Variants in MYBPHL observed in about 807,000 individuals in gnomAD.
The protein encoded by MYBPHL is myosin-binding protein H-like.
Under a neutral mutation model 39.5 loss-of-function variants are expected in MYBPHL, and 32 were observed. The observed-to-expected ratio is 0.81, with a 90% CI of 0.61 to 1.09. MYBPHL has a LOEUF of 1.09. Among genes scored for constraint, MYBPHL ranks in the 50% least tolerant of loss-of-function variants. The probability of loss-of-function intolerance (pLI) is 0.00; values close to 1 mark genes in which losing one functional copy is unlikely to be tolerated. For missense variants in MYBPHL, 456 were observed against 460.2 expected, an observed-to-expected ratio of 0.99 and a Z score of 0.08; for synonymous variants, 196 against 183.7, an observed-to-expected ratio of 1.07 and a Z score of -0.54.
chr1:109,292,396 TCCAAA>T lies in MYBPHL; in HGVS notation c.*221_*225del, dbSNP rs1657898176. On this transcript the variant is annotated 3_prime_UTR_variant, in exon 9 of 9. Coordinates refer to ENST00000357155, the MANE Select transcript of MYBPHL (RefSeq NM_001010985.3). The stretch of plus-strand genomic sequence containing the variant: ...GGAACCACATATTTATTTAGATGAA[TCCAAA>T]CCAGACATGGTGCCGAAGCTCCTTG... The T allele has an allele frequency of 6.6e-6, 1 of 152,132 alleles. No homozygotes were observed. Among genetic ancestry groups the T allele is most frequent in the South Asian group, 2.1e-4 (1 of 4,834 alleles). 9.4% of individuals were successfully genotyped at this position (152,132 alleles called of 1,614,324 possible).
chr1:109,300,812 A>G (rs756940296), intron 1 of MYBPHL, among the ~76,000 whole-genome samples: 1 of 152,036 alleles, frequency 6.6e-6, no homozygotes, highest in East Asian at 1.9e-4. Context: ...CCCTCCCTGG[A>G]CGGCTCCATT....
At chr1:109,297,764 G>A (rs531814925) in intron 2 of MYBPHL, 147 bp from the exon 3 acceptor site, 54 of 676,886 alleles carry the variant, frequency 8.0e-5, no homozygotes, top group Admixed American at 4.0e-4. Flanking sequence ...GGACCCTCCC[G>A]GGGGCCTCCT....
chr1:109,296,143 TTA>T, intron 6 of MYBPHL, 89 bp downstream of exon 6: 1 of 1,470,530 alleles, frequency 6.8e-7, no homozygotes, highest in South Asian at 1.3e-5. Flanking sequence ...GTAACAGATG[TTA>T]TGTTACAGTG....
chr1:109,306,004 G>C (rs1658451915), intron 1 of MYBPHL, among the ~76,000 whole-genome samples: 2 of 152,246 alleles, frequency 1.3e-5, no homozygotes, highest in Admixed American at 1.3e-4. Flanking sequence ...TCACAGGGCT[G>C]TTAGAGGCGG....
chr1:109,306,716 C>A, intron 1 of MYBPHL, 131 bp downstream of exon 1: 1 of 740,220 alleles, frequency 1.4e-6, no homozygotes, highest in Non-Finnish European at 2.0e-6. Flanking sequence ...CGAATGATCT[C>A]CAGCCTAATC....
chr1:109,306,671 T>C (rs889182534), intron 1 of MYBPHL, among the ~76,000 whole-genome samples, 176 bp downstream of exon 1: 1 of 152,230 alleles, frequency 6.6e-6, no homozygotes, highest in African/African-American at 2.4e-5. Flanking sequence ...AGCAGCAAGT[T>C]AGACTCCATC....
intron 1 of MYBPHL, among the ~76,000 whole-genome samples, 190 bp from the exon 2 acceptor site, chr1:109,298,447 C>T (rs1049344229): frequency 5.9e-5 from 9 of 152,062 alleles, no homozygotes; most frequent in East Asian, 1.9e-4. Context: ...AGGAACACCC[C>T]GGGAAACATT....
chr1:109,297,890 A>T (rs1433515074), intron 2 of MYBPHL, among the ~76,000 whole-genome samples: 1 of 152,216 alleles, frequency 6.6e-6, no homozygotes, highest in African/African-American at 2.4e-5. Context: ...ATAGCCACTC[A>T]AACTCCCAAG....
intron 4 of MYBPHL, 26 bp downstream of exon 4, chr1:109,297,024 C>T (rs760905132): frequency 1.9e-6 from 3 of 1,614,046 alleles, no homozygotes; most frequent in Non-Finnish European, 2.5e-6. Context: ...CCTCTTCCAC[C>T]CTCCTTCCTT....
chr1:109,296,767 C>T lies in MYBPHL; in HGVS notation c.730+16G>A. The stretch of plus-strand genomic sequence containing the variant: ...CCTTAAGTCTTCCCAGCTCATGATC[C>T]CCATGCCTCCCTTACCTGCTTTCTG... On this transcript the variant is annotated intron_variant, in intron 5 of 8. Coordinates refer to ENST00000357155, the MANE Select transcript of MYBPHL (RefSeq NM_001010985.3). 6.8e-6 allele frequency: 11 copies of T among 1,614,026 alleles called. No homozygotes were observed. Among genetic ancestry groups the T allele is most frequent in the Non-Finnish European group, 9.3e-6 (11 of 1,179,946 alleles).
At chr1:109,296,999 C>G (rs369308634) in intron 4 of MYBPHL, 51 bp downstream of exon 4, 1 of 1,613,926 alleles carries the variant, frequency 6.2e-7, no homozygotes, top group Admixed American at 1.7e-5. Flanking sequence ...CTACCAGAGG[C>G]CTGTCCCAAC....
chr1:109,302,159 AGTGT>A (rs1411094983), intron 1 of MYBPHL, among the ~76,000 whole-genome samples: 1 of 151,628 alleles, frequency 6.6e-6, no homozygotes, highest in Non-Finnish European at 1.5e-5. Context: ...TGTGTATGAG[AGTGT>A]GTGTGTGAGA....
Position 109,297,567 on chromosome 1 carries a change from G to A in MYBPHL, c.285C>T (p.Asp95=). The change falls in exon 3 of 9, where the codon GAC becomes GAT. Residue 95 remains aspartate (D), a synonymous_variant. Transcript: ENST00000357155. ...CATTCCGCACACTCACACGCCTGGT[G>A]TCCAAGGCACAGCCATCATGTGTCC... The part of the protein sequence containing the change: ...AIWTHDGCAL[D]TRRVSVRNGE... 1 of 1,613,936 alleles carries A rather than the reference G, an allele frequency of 6.2e-7. No individual in the cohort carries two copies. The highest frequency in any genetic ancestry group is 8.5e-7 in the Non-Finnish European group (1 of 1,180,036).
chr1:109,298,903 G>T (rs907741407), intron 1 of MYBPHL, among the ~76,000 whole-genome samples: 1 of 152,230 alleles, frequency 6.6e-6, no homozygotes, highest in Non-Finnish European at 1.5e-5. Context: ...TTCTGGGACA[G>T]ATTAGGTCCA....
chr1:109,298,961 A>C (rs1350342912), intron 1 of MYBPHL, among the ~76,000 whole-genome samples: 2 of 152,180 alleles, frequency 1.3e-5, no homozygotes, highest in African/African-American at 2.4e-5. Flanking sequence ...TGAGAAGTAG[A>C]GATTAGATGA....
At chr1:109,301,613 C>G (rs1277416594) in intron 1 of MYBPHL, among the ~76,000 whole-genome samples, 3 of 151,936 alleles carry the variant, frequency 2.0e-5, no homozygotes, top group African/African-American at 7.3e-5. Flanking sequence ...TGGTGGCGGG[C>G]ACCTGTAATC....
intron 6 of MYBPHL, among the ~76,000 whole-genome samples, 198 bp downstream of exon 6, chr1:109,296,036 A>AAAGG (rs376207149): frequency 1.8e-4 from 27 of 152,322 alleles, no homozygotes; most frequent in African/African-American, 6.0e-4. Context: ...CAAACATTCA[A>AAAGG]AAGGAAATGT....
At chr1:109,298,331 T>C (rs921176162) in intron 1 of MYBPHL, 74 bp from the exon 2 acceptor site, 1 of 1,351,804 alleles carries the variant, frequency 7.4e-7, no homozygotes, top group African/African-American at 1.5e-5. Flanking sequence ...CTGCCTGCTG[T>C]GGGTGAGTGG....
Position 109,306,832 on chromosome 1 carries a change from C to T in MYBPHL, c.145+15G>A. ...CCACCCGGCCTCCCCACCCTCCCCA[C>T]CTGCCATGGGTCACCTTCTATAGGG... On this transcript the variant is annotated intron_variant, in intron 1 of 8. Coordinates refer to ENST00000357155, the MANE Select transcript of MYBPHL (RefSeq NM_001010985.3). The T allele has an allele frequency of 6.5e-7, 1 of 1,547,442 alleles. No homozygotes were observed. The highest frequency in any genetic ancestry group is 8.7e-7 in the Non-Finnish European group (1 of 1,150,888).
Sources: gnomAD v4.1 joint callset for allele counts (sites outside exome capture counted in the v4.1 genomes callset) on GRCh38, gnomAD v4.1.1 for gene constraint, MANE v1.5 for transcripts, NCBI Gene and HGNC (gene_info 2026-07-23, HGNC 2026-07-21) for gene names.